The following REEP5 variants were observed in gnomAD, a reference collection of about 807,000 sequenced individuals.
REEP5 encodes the protein receptor expression-enhancing protein 5.
REEP5 carries 24 observed loss-of-function variants against 22.4 expected under a neutral mutation model. That is an observed-to-expected ratio of 1.07 (90% confidence interval 0.78 to 1.51). REEP5 has a LOEUF of 1.51. REEP5 is among the 40% of genes most tolerant of loss of function. The pLI is 0.00. For missense variants in REEP5, 252 were observed against 233.0 expected (o/e 1.08, Z -0.53); for synonymous variants, 103 against 88.6 (o/e 1.16, Z -0.92).
intron 3 of REEP5, among the ~76,000 whole-genome samples, chr5:112,898,912 T>TC (rs1261138211): frequency 1.3e-5 from 2 of 152,192 alleles, no homozygotes; most frequent in Non-Finnish European, 2.9e-5. Flanking sequence ...AATTCTTAAT[T>TC]GCCTTACAAG....
rs1243496996 is a variant in REEP5 at position 112,922,132 on chromosome 5, G to T, written c.59C>A (p.Thr20Asn). 1 of 1,607,364 alleles carries T rather than the reference G, an allele frequency of 6.2e-7. No individual in the cohort carries two copies. The highest frequency in any genetic ancestry group is 1.3e-5 in the African/African-American group (1 of 74,170). ...GGCCTCGAGCTTGGCCAGAAGGTCA[G>T]TCATGCAGTTCTTCTCGTGCAGGAA... ...DRFLHEKNCM[T>N]DLLAKLEAKT... The change falls in exon 1 of 5, where the codon ACT becomes AAT. Residue 20 changes from threonine to asparagine, a missense_variant. Transcript: ENST00000379638.
intron 4 of REEP5, among the ~76,000 whole-genome samples, chr5:112,883,759 G>T (rs1308120641): frequency 6.6e-6 from 1 of 152,034 alleles, no homozygotes; most frequent in Admixed American, 6.6e-5. Context: ...CAAATGTCCA[G>T]GACTAAATTC....
intron 4 of REEP5, among the ~76,000 whole-genome samples, chr5:112,886,559 G>A (rs1278640547): frequency 2.6e-5 from 4 of 152,168 alleles, no homozygotes; most frequent in African/African-American, 9.7e-5. Context: ...TTCAAGTAAA[G>A]ATCAAGAATT....
At position 112,890,015 on chromosome 5, in the gene REEP5, C is replaced by T. The variant is rs112819425; in HGVS notation, c.352-2832G>A. Among the ~76,000 whole-genome samples, 4 of 150,174 alleles carry T rather than the reference C, an allele frequency of 2.7e-5. 1 individual carries two copies. The highest frequency in any genetic ancestry group is 1.0e-4 in the African/African-American group (4 of 40,162). On this transcript the variant is annotated intron_variant, in intron 3 of 4. Transcript: ENST00000379638. The stretch of plus-strand genomic sequence containing the variant: ...CTAATTTTTGTATTTTTAGTAGAGA[C>T]GGGGTTTCACCATGTTGGCCAGGCT...
chr5:112,901,868 CAGG>C (rs1323859731), intron 3 of REEP5, among the ~76,000 whole-genome samples: 1 of 151,182 alleles, frequency 6.6e-6, no homozygotes, highest in Non-Finnish European at 1.5e-5. Flanking sequence ...GAGGCTGAGG[CAGG>C]AGAATTGCTT....
chr5:112,878,789 G>A lies in REEP5; in HGVS notation c.567C>T (p.Thr189=). The A allele has an allele frequency of 6.2e-7, 1 of 1,614,112 alleles. No homozygotes were observed. Among genetic ancestry groups the A allele is most frequent in the Non-Finnish European group, 8.5e-7 (1 of 1,180,034 alleles). The change falls in exon 5 of 5, where the codon ACC becomes ACT. Residue 189 remains threonine (T), a synonymous_variant. Coordinates refer to ENST00000379638, the MANE Select transcript of REEP5 (RefSeq NM_005669.5). ...VNLLGEEKKS[T] ...GGAAGTTTCCATCCAGTCTGGTTTAGGTGCTCTTCTTTTCTTCACCCAGTA... is the reference window on the plus strand; with the variant it reads ...GGAAGTTTCCATCCAGTCTGGTTTAAGTGCTCTTCTTTTCTTCACCCAGTA...
chr5:112,892,121 C>A (rs746209964), intron 3 of REEP5: 1 of 1,614,148 alleles, frequency 6.2e-7, no homozygotes, highest in South Asian at 1.1e-5. Flanking sequence ...TGGCAAAACC[C>A]AGAACCACCC....
rs117901309 is a variant in REEP5, at chr5:112,919,124, G to C, written c.212+2039C>G. 5.3e-3 allele frequency among the ~76,000 whole-genome samples: 810 copies of C among 152,264 alleles called. 23 individuals are homozygous for C. The East Asian group carries it at 0.08, about 15-fold the overall frequency. On this transcript the variant is annotated intron_variant, in intron 2 of 4. Transcript: ENST00000379638. ...GCTAGGGAGCATAAGAGTTACAAGA[G>C]GTATGGAGAATAGTTAAAATGAAGG...
intron 4 of REEP5, 45 bp from the exon 5 acceptor site, chr5:112,878,880 T>C (rs2150032462): frequency 6.2e-7 from 1 of 1,613,608 alleles, no homozygotes; most frequent in African/African-American, 1.3e-5. Context: ...CAAAGCTCTT[T>C]CTTTGGAATG....
chr5:112,902,279 A>G lies in REEP5; in HGVS notation c.351+101T>C, dbSNP rs945903682. 344 of 1,242,924 alleles carry G rather than the reference A, an allele frequency of 2.8e-4. 1 individual carries two copies. Among genetic ancestry groups the G allele is most frequent in the Non-Finnish European group, 3.6e-4 (330 of 908,226 alleles). The allele number at this position is 1,242,924 out of a possible 1,614,324, so 77.0% of individuals were successfully genotyped here. A position where few individuals can be genotyped will look rare whatever the true frequency, so the allele number is the denominator to read the frequency against. On this transcript the variant is annotated intron_variant, in intron 3 of 4. Coordinates refer to ENST00000379638, the MANE Select transcript of REEP5 (RefSeq NM_005669.5). ...GCCCAGGCCTGTCTTCTTGTTTATAATCTGAGACAGAGCCACAGATGCACA... is the reference window on the plus strand; with the variant it reads ...GCCCAGGCCTGTCTTCTTGTTTATAGTCTGAGACAGAGCCACAGATGCACA...
intron 3 of REEP5, chr5:112,896,551 AAATGTTATATTCTCTGTC>A (rs1768686336): frequency 6.6e-6 from 1 of 152,286 alleles, no homozygotes; most frequent in African/African-American, 2.4e-5. Flanking sequence ...AAGAAAAGAA[AAATGTTATATTCTCTGTC>A]AATGGGTGAA....
In REEP5 at chr5:112,893,182, G is replaced by A. The variant is rs192656926; in HGVS notation, c.352-5999C>T. The A allele has an allele frequency of 4.6e-3, 2,443 of 529,420 alleles. 31 individuals are homozygous for A. Among genetic ancestry groups the A allele is most frequent in the Middle Eastern group, 0.029 (49 of 1,692 alleles). The allele number at this position is 529,420 out of a possible 1,614,324, so 32.8% of individuals were successfully genotyped here. ...CCCAGCACTTTAGGAGGCTGAGGTGGGTGGATCACTTGAGGTCAGGAGTTT... is the reference window on the plus strand; with the variant it reads ...CCCAGCACTTTAGGAGGCTGAGGTGAGTGGATCACTTGAGGTCAGGAGTTT... On this transcript the variant is annotated intron_variant, in intron 3 of 4. Transcript: ENST00000379638.
intron 2 of REEP5, among the ~76,000 whole-genome samples, chr5:112,916,995 A>G (rs1769245934): frequency 6.6e-6 from 1 of 152,264 alleles, no homozygotes. Flanking sequence ...GCTAAATGCA[A>G]TATAACTCTT....
At chr5:112,898,053 T>C (rs153552) in intron 3 of REEP5, 78,992 of 152,052 alleles carry the variant, frequency 0.52, 21,651 homozygotes, top group African/African-American at 0.7. Context: ...AGCAACACTC[T>C]GTCCCAAAAA....
intron 3 of REEP5, chr5:112,894,595 C>T (rs1353515394): frequency 6.6e-6 from 1 of 152,168 alleles, no homozygotes; most frequent in African/African-American, 2.4e-5. Context: ...TGCAGAGCAT[C>T]ACAGGGGATG....
intron 2 of REEP5, among the ~76,000 whole-genome samples, chr5:112,907,749 G>A (rs1048685247): frequency 1.3e-5 from 2 of 152,182 alleles, no homozygotes; most frequent in African/African-American, 4.8e-5. Flanking sequence ...CAGAGCATGT[G>A]TATGTAAAGG....
rs1450392805 is a variant in REEP5 at position 112,877,194 on chromosome 5, T to C, written c.*1592A>G. ...AAAATAAATGCTCTGATCCATATTA[T>C]ATTAGAGTGATACTGTCACTTAGTA... On this transcript the variant is annotated 3_prime_UTR_variant, in exon 5 of 5. Transcript: ENST00000379638. The C allele has an allele frequency of 6.6e-6, 1 of 152,222 alleles. No individual in the cohort carries two copies. The highest frequency in any genetic ancestry group is 1.5e-5 in the Non-Finnish European group (1 of 68,022). 9.4% of individuals were successfully genotyped at this position (152,222 alleles called of 1,614,324 possible). A position where few individuals can be genotyped will look rare whatever the true frequency, so the allele number is the denominator to read the frequency against.
intron 3 of REEP5, among the ~76,000 whole-genome samples, chr5:112,889,460 G>C (rs1045025672): frequency 5.3e-5 from 8 of 150,696 alleles, no homozygotes; most frequent in Non-Finnish European, 8.8e-5. Flanking sequence ...GGATGATAAA[G>C]AAGGAAAGCA....
intron 2 of REEP5, among the ~76,000 whole-genome samples, chr5:112,909,669 T>C (rs1769046945): frequency 6.6e-6 from 1 of 152,150 alleles, no homozygotes; most frequent in South Asian, 2.1e-4. Flanking sequence ...GACTGGTACA[T>C]ATATGAACAC....
Sources: allele counts gnomAD v4.1 joint callset (sites outside exome capture counted in the v4.1 genomes callset), GRCh38; gene constraint gnomAD v4.1.1; transcripts MANE v1.5; gene names NCBI Gene and HGNC (gene_info 2026-07-23, HGNC 2026-07-21).